PTN: variants seen among roughly 807,000 people sequenced by gnomAD.
The protein encoded by PTN is pleiotrophin, also known as heparin affin regulatory protein.
PTN carries 18 observed loss-of-function variants against 24.1 expected under a neutral mutation model. That is an observed-to-expected ratio of 0.75 (90% CI 0.52 to 1.11). The LOEUF is 1.11. Ranked by LOEUF, PTN falls within the 50% of genes least tolerant of loss-of-function variation. The pLI is 0.00. For synonymous variants in PTN, 78 were observed against 68.6 expected (o/e 1.14, Z -0.67); for missense variants, 163 against 198.8 (o/e 0.82, Z 1.08).
chr7:137,311,231 C>CAAAA (rs35319700), intron 1 of PTN, among the ~76,000 whole-genome samples: 2 of 101,606 alleles, frequency 2.0e-5, no homozygotes, highest in African/African-American at 7.1e-5. Flanking sequence ...GACTCCATTT[C>CAAAA]AAAAAAAAAA....
chr7:137,334,123 T>C (rs951576107), intron 1 of PTN, among the ~76,000 whole-genome samples: 12 of 151,956 alleles, frequency 7.9e-5, no homozygotes, highest in Admixed American at 6.6e-4. Flanking sequence ...ATTCAGGACA[T>C]AGGCATGGGC....
chr7:137,300,891 T>C (rs927252108), intron 1 of PTN, among the ~76,000 whole-genome samples: 1 of 151,438 alleles, frequency 6.6e-6, no homozygotes, highest in African/African-American at 2.4e-5. Flanking sequence ...TGGTACAAAG[T>C]TCATTTGACC....
chr7:137,315,256 A>T (rs1302294373), intron 1 of PTN, among the ~76,000 whole-genome samples: 4 of 152,232 alleles, frequency 2.6e-5, no homozygotes, highest in Non-Finnish European at 4.4e-5. Context: ...TTAAGAGCCC[A>T]GATGGCTGCT....
chr7:137,235,891 T>C (rs771065034), intron 4 of PTN, among the ~76,000 whole-genome samples: 5 of 152,140 alleles, frequency 3.3e-5, no homozygotes, highest in African/African-American at 7.2e-5. Context: ...AGATAGTACA[T>C]ATATTTGTGT....
At chr7:137,310,384 T>C (rs1165162791) in intron 1 of PTN, among the ~76,000 whole-genome samples, 1 of 140,364 alleles carries the variant, frequency 7.1e-6, no homozygotes, top group African/African-American at 2.7e-5. Context: ...AAATTCAAGT[T>C]ACCATGTTTT....
intron 1 of PTN, among the ~76,000 whole-genome samples, chr7:137,342,005 G>A (rs1810541875): frequency 6.6e-6 from 1 of 151,938 alleles, no homozygotes; most frequent in Non-Finnish European, 1.5e-5. Context: ...TTTTTTAAAC[G>A]ACTTGGCCTT....
intron 1 of PTN, chr7:137,326,865 T>C (rs1810271071): frequency 6.6e-6 from 1 of 152,188 alleles, no homozygotes; most frequent in Admixed American, 6.5e-5. Flanking sequence ...AGGGACTGTG[T>C]CATATTCATC....
chr7:137,314,019 T>C (rs927393761), intron 1 of PTN, among the ~76,000 whole-genome samples: 1 of 152,128 alleles, frequency 6.6e-6, no homozygotes, highest in Non-Finnish European at 1.5e-5. Context: ...TCTCACCTAT[T>C]TTATTTTATT....
intron 1 of PTN, among the ~76,000 whole-genome samples, chr7:137,292,405 T>C (rs1481042438): frequency 6.6e-6 from 1 of 152,150 alleles, no homozygotes; most frequent in Non-Finnish European, 1.5e-5. Context: ...GTTTTTCCTG[T>C]ACTGTTCTCA....
intron 1 of PTN, among the ~76,000 whole-genome samples, chr7:137,279,047 A>T (rs1302942004): frequency 6.6e-6 from 1 of 151,200 alleles, no homozygotes; most frequent in South Asian, 2.1e-4. Context: ...AGAAATTCAC[A>T]TGAGTAGAAA....
chr7:137,257,406 T>C (rs1808952738), intron 1 of PTN, among the ~76,000 whole-genome samples: 1 of 152,206 alleles, frequency 6.6e-6, no homozygotes, highest in Admixed American at 6.5e-5. Context: ...TCCTGCGCTT[T>C]TAATTGGGTG....
intron 1 of PTN, among the ~76,000 whole-genome samples, chr7:137,307,891 G>A (rs1449542314): frequency 6.6e-6 from 1 of 152,112 alleles, no homozygotes. Context: ...TTCTACTCCT[G>A]CGCTTGTTCC....
chr7:137,306,577 G>A (rs1809892100), intron 1 of PTN, among the ~76,000 whole-genome samples: 1 of 152,036 alleles, frequency 6.6e-6, no homozygotes, highest in South Asian at 2.1e-4. Context: ...TTGAAAAAAT[G>A]CCAAAGCCAA....
At chr7:137,257,524 CA>C (rs1373743973) in intron 1 of PTN, among the ~76,000 whole-genome samples, 4 of 152,162 alleles carry the variant, frequency 2.6e-5, no homozygotes, top group African/African-American at 9.7e-5. Flanking sequence ...ATAATGTACT[CA>C]AATGTCATTT....
intron 1 of PTN, among the ~76,000 whole-genome samples, chr7:137,271,232 A>C (rs910946965): frequency 4.6e-5 from 7 of 152,234 alleles, no homozygotes; most frequent in Non-Finnish European, 7.3e-5. Flanking sequence ...TTAAAAACAA[A>C]CAAATCAAGA....
intron 1 of PTN, among the ~76,000 whole-genome samples, chr7:137,324,555 G>A (rs1353529854): frequency 6.6e-6 from 1 of 150,802 alleles, no homozygotes; most frequent in African/African-American, 2.4e-5. Context: ...CAGGTAAATT[G>A]TTCTTTAAGA....
chr7:137,338,576 T>C (rs777189105), intron 1 of PTN, among the ~76,000 whole-genome samples: 5 of 152,204 alleles, frequency 3.3e-5, no homozygotes, highest in African/African-American at 4.8e-5. Flanking sequence ...AGGGCAACAA[T>C]TGTACATATC....
intron 1 of PTN, among the ~76,000 whole-genome samples, chr7:137,339,301 T>C (rs1318672081): frequency 6.6e-6 from 1 of 152,000 alleles, no homozygotes; most frequent in African/African-American, 2.4e-5. Context: ...ACCATAGAGA[T>C]AGACACCATG....
chr7:137,316,588 G>C (rs1191083005), intron 1 of PTN, among the ~76,000 whole-genome samples: 2 of 152,184 alleles, frequency 1.3e-5, no homozygotes, highest in East Asian at 3.8e-4. Flanking sequence ...GGAGGGGGCA[G>C]ATTTTGAAAA....
Sources: gnomAD v4.1 joint callset for allele counts (sites outside exome capture counted in the v4.1 genomes callset) on GRCh38, gnomAD v4.1.1 for gene constraint, MANE v1.5 for transcripts, NCBI Gene and HGNC (gene_info 2026-07-23, HGNC 2026-07-21) for gene names.